Variants in CDH23 observed in about 807,000 individuals in gnomAD.
The protein encoded by CDH23 is cadherin-23.
In CDH23, 189 loss-of-function variants were observed where a neutral mutation model predicts 317.1. The observed-to-expected ratio is 0.60, with a 90% CI of 0.53 to 0.67. CDH23 has a LOEUF of 0.67. CDH23 is among the 30% of genes least tolerant of loss of function. The pLI is 0.00. For synonymous variants in CDH23, 1,839 were observed against 1,876.8 expected (o/e 0.98, Z 0.52); for missense variants, 4,401 against 4,592.4 (o/e 0.96, Z 1.20).
At chr10:71,716,223 G>T (rs1488991483) in intron 28 of CDH23, 2 of 1,550,896 alleles carry the variant, frequency 1.3e-6, no homozygotes, top group Admixed American at 3.9e-5. Context: ...AGGGCGATGA[G>T]CATGGGGAGG....
At chr10:71,459,103 T>TTTTTTTGTTG (rs11372275) in intron 3 of CDH23, among the ~76,000 whole-genome samples, 1 of 145,252 alleles carries the variant, frequency 6.9e-6, no homozygotes, top group Non-Finnish European at 1.5e-5. Context: ...TTTTTTTTTT[T>TTTTTTTGTTG]GTGAGATAGG....
intron 6 of CDH23, among the ~76,000 whole-genome samples, chr10:71,519,318 C>T (rs925776530): frequency 2.1e-4 from 32 of 152,208 alleles, no homozygotes; most frequent in Admixed American, 2.0e-3. Flanking sequence ...GGGCTGTCAG[C>T]CTCGCACGCT....
chr10:71,775,063 C>G (rs12569990), intron 38 of CDH23, among the ~76,000 whole-genome samples: 21,871 of 152,220 alleles, frequency 0.14, 1,847 homozygotes, highest in East Asian at 0.27. Context: ...GCTGGCAGGA[C>G]ATAACCCAGG....
At chr10:71,680,709 C>T (rs1003312422) in intron 17 of CDH23, among the ~76,000 whole-genome samples, 1 of 127,672 alleles carries the variant, frequency 7.8e-6, no homozygotes, top group Non-Finnish European at 1.6e-5. Flanking sequence ...GGTTGCACCA[C>T]TGCACTCCAG....
chr10:71,712,476 G>A (rs1564748915), intron 27 of CDH23, 189 bp from the exon 28 acceptor site: 4 of 601,412 alleles, frequency 6.7e-6, no homozygotes, highest in Admixed American at 2.9e-5. Flanking sequence ...GGCACATGGT[G>A]TTATCTAAGT....
intron 11 of CDH23, among the ~76,000 whole-genome samples, chr10:71,640,112 T>C (rs1279043235): frequency 1.3e-5 from 2 of 152,220 alleles, no homozygotes; most frequent in African/African-American, 4.8e-5. Context: ...GTCAGGAAGC[T>C]GTCCCGAAGG....
chr10:71,526,233 C>T (rs534547042), intron 6 of CDH23, among the ~76,000 whole-genome samples: 4 of 152,330 alleles, frequency 2.6e-5, no homozygotes, highest in Non-Finnish European at 5.9e-5. Context: ...AGAATTGGGT[C>T]AAATGAGCTT....
intron 6 of CDH23, among the ~76,000 whole-genome samples, chr10:71,526,991 G>A (rs189470233): frequency 2.4e-4 from 37 of 152,330 alleles, no homozygotes; most frequent in African/African-American, 8.7e-4. Context: ...AGAGAACCCA[G>A]CAGATGACAG....
At chr10:71,702,414 G>A in intron 23 of CDH23, 135 bp from the exon 24 acceptor site, 1 of 1,245,456 alleles carries the variant, frequency 8.0e-7, no homozygotes, top group South Asian at 1.4e-5. Flanking sequence ...TGAGGCCTAG[G>A]CTGCTTCCTG....
intron 29 of CDH23, 77 bp from the exon 30 acceptor site, chr10:71,725,295 C>T: frequency 6.2e-7 from 1 of 1,605,052 alleles, no homozygotes; most frequent in South Asian, 1.1e-5. Context: ...AACTTCTGCC[C>T]CCAACCATGG....
intron 9 of CDH23, among the ~76,000 whole-genome samples, chr10:71,601,958 C>CGGT (rs1351067491): frequency 1.2e-4 from 11 of 90,850 alleles, no homozygotes; most frequent in South Asian, 5.8e-4. Flanking sequence ...GGGTGGGCGG[C>CGGT]GGAGGGGGGG....
intron 20 of CDH23, among the ~76,000 whole-genome samples, chr10:71,693,135 C>G (rs1451610552): frequency 1.3e-5 from 2 of 152,238 alleles, no homozygotes; most frequent in African/African-American, 4.8e-5. Context: ...GCTGTGATTG[C>G]TGAAGTCTGC....
chr10:71,443,582 G>C (rs988664584), intron 2 of CDH23, among the ~76,000 whole-genome samples: 8 of 152,240 alleles, frequency 5.3e-5, no homozygotes, highest in African/African-American at 1.9e-4. Context: ...AATGGCCATG[G>C]GGGTGGCAGA....
intron 11 of CDH23, among the ~76,000 whole-genome samples, chr10:71,629,795 G>T (rs1861917010): frequency 6.6e-6 from 1 of 152,164 alleles, no homozygotes; most frequent in Admixed American, 6.5e-5. Context: ...ACGGGAAGCA[G>T]ATTAGTGGTT....
chr10:71,464,423 G>A (rs1038251654), intron 3 of CDH23, among the ~76,000 whole-genome samples: 4 of 152,212 alleles, frequency 2.6e-5, no homozygotes, highest in African/African-American at 9.6e-5. Flanking sequence ...CAGCCTGTCT[G>A]TGTCTCCCTA....
chr10:71,788,887 G>T, intron 44 of CDH23, 53 bp from the exon 45 acceptor site: 2 of 900,134 alleles, frequency 2.2e-6, no homozygotes, highest in Non-Finnish European at 3.8e-6. Context: ...CCACCTAGGT[G>T]GGGGCACTTT....
At chr10:71,626,735 G>T (rs1028502379) in intron 11 of CDH23, among the ~76,000 whole-genome samples, 1 of 152,126 alleles carries the variant, frequency 6.6e-6, no homozygotes, top group Non-Finnish European at 1.5e-5. Flanking sequence ...GCAGATGTAG[G>T]GTTCGTACTC....
chr10:71,770,763 C>G (rs956108116), intron 38 of CDH23, among the ~76,000 whole-genome samples: 1 of 152,198 alleles, frequency 6.6e-6, no homozygotes, highest in African/African-American at 2.4e-5. Context: ...CTGGACCACC[C>G]TCTCCCAGGA....
rs114017016 is a variant in CDH23, at chr10:71,804,481, C to T, written c.7872+1061C>T. ...CCACTTGTTCTTTGTCCCCCAAACT[C>T]CACCCAGGCTCCACATCTCAGAATG... On this transcript the variant is annotated intron_variant, in intron 55 of 69. Transcript: ENST00000224721. Among the ~76,000 whole-genome samples the T allele has an allele frequency of 9.7e-3, 1,470 of 152,330 alleles. 22 individuals are homozygous for T. Among genetic ancestry groups the T allele is most frequent in the African/African-American group, 0.031 (1,269 of 41,570 alleles).
Sources: allele counts gnomAD v4.1 joint callset (sites outside exome capture counted in the v4.1 genomes callset), GRCh38; gene constraint gnomAD v4.1.1; transcripts MANE v1.5; gene names NCBI Gene and HGNC (gene_info 2026-07-23, HGNC 2026-07-21).